The following ZNF362 variants were observed in gnomAD, a reference collection of about 807,000 sequenced individuals.
ZNF362 encodes the protein rotund homolog.
Under a neutral mutation model 42.9 loss-of-function variants are expected in ZNF362, and 11 were observed. The ratio of observed to expected loss-of-function variants is 0.26; its 90% CI spans 0.16 to 0.42. ZNF362 has a LOEUF of 0.42. Among genes scored for constraint, ZNF362 ranks in the 20% least tolerant of loss-of-function variants. The pLI is 1.00. For synonymous variants in ZNF362, 255 were observed against 257.3 expected, an observed-to-expected ratio of 0.99 and a Z score of 0.09; for missense variants, 362 against 576.2, an observed-to-expected ratio of 0.63 and a Z score of 3.81.
Position 33,281,602 on chromosome 1 carries a change from A to G in ZNF362, c.699A>G (p.Pro233=), listed in dbSNP as rs760873729. The change falls in exon 6 of 9, where the codon CCA becomes CCG. Residue 233 remains proline (P), a synonymous_variant. Coordinates refer to ENST00000539719, the MANE Select transcript of ZNF362 (RefSeq NM_152493.3). The surrounding 1 kb of genome is among the most constrained non-coding windows in gnomAD (Gnocchi z 4.8). ...TGCTCCGCAGGTGTAAGGTATGCCCACTGACCTTTTTCACCAAGTCAGAGA... is the reference window on the plus strand; with the variant it reads ...TGCTCCGCAGGTGTAAGGTATGCCCGCTGACCTTTTTCACCAAGTCAGAGA... ...EGKTYRCKVC[P]LTFFTKSEMQ... is the part of the protein sequence containing the mutation. 2.5e-6 allele frequency: 4 copies of G among 1,614,180 alleles called. 1 individual carries two copies. The South Asian group carries it at 4.4e-5, about 18-fold the overall frequency.
At chr1:33,206,414 G>A in the ZNF362 span, among the ~76,000 whole-genome samples, 2 of 151,938 alleles carry the variant, frequency 1.3e-5, no homozygotes, top group Non-Finnish European at 2.9e-5. Context: ...GGATTTCATC[G>A]AAGTTAAGAA....
chr1:33,278,839 A>G (rs1313328974), intron 4 of ZNF362, among the ~76,000 whole-genome samples: 1 of 152,142 alleles, frequency 6.6e-6, no homozygotes, highest in Non-Finnish European at 1.5e-5. Context: ...CTCCCTAATG[A>G]GAGTGGACCA....
chr1:33,168,024 G>A, the ZNF362 span, among the ~76,000 whole-genome samples: 3 of 152,152 alleles, frequency 2.0e-5, no homozygotes, highest in African/African-American at 4.8e-5. Flanking sequence ...ATAAAGGAGC[G>A]AGGTTACCAA....
the ZNF362 span, among the ~76,000 whole-genome samples, chr1:33,174,893 ATG>A: frequency 0.03 from 4,311 of 144,678 alleles, 82 homozygotes; most frequent in Middle Eastern, 0.092. Flanking sequence ...TAAAGAAATT[ATG>A]TGTGTGTGTG....
chr1:33,206,798 T>C, the ZNF362 span, among the ~76,000 whole-genome samples: 2 of 152,086 alleles, frequency 1.3e-5, no homozygotes, highest in Non-Finnish European at 2.9e-5. Context: ...TTAAATAATA[T>C]ATGCAGATGG....
chr1:33,177,933 T>C, the ZNF362 span, among the ~76,000 whole-genome samples: 1 of 152,208 alleles, frequency 6.6e-6, no homozygotes, highest in Non-Finnish European at 1.5e-5. The surrounding 1 kb of genome is among the most constrained non-coding windows in gnomAD (Gnocchi z 4.1). Context: ...GGCTCAGAGA[T>C]GGTAAATAAT....
At chr1:33,237,537 T>C in the ZNF362 span, among the ~76,000 whole-genome samples, 1 of 152,172 alleles carries the variant, frequency 6.6e-6, no homozygotes, top group Non-Finnish European at 1.5e-5. Flanking sequence ...GCTTTCTCTT[T>C]CCCCCTGAAG....
At chr1:33,144,431 C>T in the ZNF362 span, among the ~76,000 whole-genome samples, 1 of 152,190 alleles carries the variant, frequency 6.6e-6, no homozygotes, top group Non-Finnish European at 1.5e-5. Context: ...AGCCACTGCG[C>T]CCGGTGGCTT....
At chr1:33,288,517 T>G (rs1374093925) in intron 6 of ZNF362, among the ~76,000 whole-genome samples, 1 of 151,746 alleles carries the variant, frequency 6.6e-6, no homozygotes, top group African/African-American at 2.4e-5. Flanking sequence ...GGTGAGTGGA[T>G]TACTTGAGGT....
the ZNF362 span, among the ~76,000 whole-genome samples, chr1:33,238,939 A>G: frequency 6.6e-6 from 1 of 152,150 alleles, no homozygotes; most frequent in African/African-American, 2.4e-5. Flanking sequence ...CAGAACTGTG[A>G]GAAAATGAAT....
chr1:33,202,600 A>AG, the ZNF362 span, among the ~76,000 whole-genome samples: 1 of 151,680 alleles, frequency 6.6e-6, no homozygotes, highest in Non-Finnish European at 1.5e-5. Flanking sequence ...TCCATAAAAA[A>AG]AAAAAAAAAG....
At chr1:33,267,554 G>A (rs1645873097) in intron 1 of ZNF362, among the ~76,000 whole-genome samples, 1 of 152,186 alleles carries the variant, frequency 6.6e-6, no homozygotes, top group African/African-American at 2.4e-5. Context: ...GTGTCAGGGT[G>A]GAGAGTATGG....
intron 1 of ZNF362, among the ~76,000 whole-genome samples, chr1:33,268,298 GA>G: frequency 6.6e-6 from 1 of 152,306 alleles, no homozygotes; most frequent in Non-Finnish European, 1.5e-5. Flanking sequence ...GGAGGAGGGG[GA>G]GGGGGCTTCC....
chr1:33,219,838 A>G, the ZNF362 span, among the ~76,000 whole-genome samples: 13 of 152,120 alleles, frequency 8.5e-5, no homozygotes, highest in Admixed American at 8.5e-4. Context: ...GAGCTGCTCT[A>G]GACTAATTCA....
chr1:33,286,544 G>A (rs1646034260), intron 6 of ZNF362, among the ~76,000 whole-genome samples: 1 of 151,688 alleles, frequency 6.6e-6, no homozygotes, highest in South Asian at 2.1e-4. Context: ...GTTCATAATG[G>A]CAGGAAACCA....
At chr1:33,278,053 G>A (rs891148981) in intron 4 of ZNF362, among the ~76,000 whole-genome samples, 3 of 152,260 alleles carry the variant, frequency 2.0e-5, no homozygotes, top group African/African-American at 7.2e-5. Context: ...CACTCTGTAT[G>A]TCCCCTGTTA....
chr1:33,248,436 A>T, the ZNF362 span, among the ~76,000 whole-genome samples: 2 of 152,218 alleles, frequency 1.3e-5, no homozygotes, highest in African/African-American at 4.8e-5. Context: ...TCAACTGCAG[A>T]TCTATGTAAC....
the ZNF362 span, chr1:33,146,834 AG>A: frequency 3.0e-6 from 1 of 335,074 alleles, no homozygotes. Context: ...ACACTTCCTG[AG>A]GTCAGGGCTG....
At chr1:33,256,831 C>A (rs888374656) in intron 1 of ZNF362, among the ~76,000 whole-genome samples, 177 bp downstream of exon 1, 1 of 146,502 alleles carries the variant, frequency 6.8e-6, no homozygotes, top group African/African-American at 2.5e-5. Flanking sequence ...CCCAGAGCGG[C>A]GGCGGCGGCG....
Sources: allele counts gnomAD v4.1 joint callset (sites outside exome capture counted in the v4.1 genomes callset), GRCh38; gene constraint gnomAD v4.1.1; non-coding constraint Gnocchi (gnomAD v3.1); transcripts MANE v1.5; gene names NCBI Gene and HGNC (gene_info 2026-07-23, HGNC 2026-07-21).